Variants in COL19A1 observed in about 807,000 individuals in gnomAD.
COL19A1 encodes the protein collagen alpha-1(XIX) chain.
A neutral mutation model predicts 190.2 loss-of-function variants in COL19A1; 159 were observed. The observed-to-expected ratio is 0.84, with a 90% CI of 0.73 to 0.95. COL19A1 has a LOEUF of 0.95. Ranked by LOEUF, COL19A1 falls within the 40% of genes least tolerant of loss-of-function variation. The pLI is 0.00. For missense variants in COL19A1, 1,418 were observed against 1,431.9 expected (o/e 0.99, Z 0.16); for synonymous variants, 509 against 458.9 (o/e 1.11, Z -1.39).
chr6:70,128,196 T>C (rs1298638235), intron 17 of COL19A1, among the ~76,000 whole-genome samples: 1 of 152,194 alleles, frequency 6.6e-6, no homozygotes, highest in Non-Finnish European at 1.5e-5. Context: ...ATTAGATATA[T>C]GGGTCTAAAA....
At chr6:70,004,005 G>A (rs577921805) in intron 11 of COL19A1, among the ~76,000 whole-genome samples, 1 of 152,292 alleles carries the variant, frequency 6.6e-6, no homozygotes, top group South Asian at 2.1e-4. Context: ...TGCAGTGGCT[G>A]GTACCAGATT....
chr6:70,059,617 A>C (rs1326317519), intron 14 of COL19A1: 1 of 267,112 alleles, frequency 3.7e-6, no homozygotes, highest in Non-Finnish European at 7.6e-6. Context: ...GCTGGCTTGG[A>C]CTATTTTTTG....
intron 26 of COL19A1, 41 bp from the exon 27 acceptor site, chr6:70,146,764 ATGTATGT>A: frequency 6.3e-7 from 1 of 1,591,372 alleles, no homozygotes; most frequent in Non-Finnish European, 8.5e-7. Flanking sequence ...CAGCAGAAAA[ATGTATGT>A]CTCTTGAGCC....
chr6:70,063,983 T>C (rs972994937), intron 14 of COL19A1, among the ~76,000 whole-genome samples: 1 of 152,038 alleles, frequency 6.6e-6, no homozygotes, highest in Non-Finnish European at 1.5e-5. Context: ...AGGCAATAAT[T>C]AATAGCTTAC....
At chr6:70,130,788 A>C (rs1785473543) in intron 18 of COL19A1, among the ~76,000 whole-genome samples, 1 of 152,250 alleles carries the variant, frequency 6.6e-6, no homozygotes, top group Non-Finnish European at 1.5e-5. Context: ...AAGATAAATG[A>C]AATCAGGACA....
At chr6:69,904,723 C>G (rs1423264459) in intron 4 of COL19A1, among the ~76,000 whole-genome samples, 1 of 152,182 alleles carries the variant, frequency 6.6e-6, no homozygotes, top group Non-Finnish European at 1.5e-5. Context: ...AGGACAGGCT[C>G]AAGGTCAAAC....
At chr6:70,204,956 G>A (rs1260275227) in intron 49 of COL19A1, among the ~76,000 whole-genome samples, 1 of 151,986 alleles carries the variant, frequency 6.6e-6, no homozygotes, top group Non-Finnish European at 1.5e-5. Context: ...TTTTTTTCCT[G>A]CTGTTCACAT....
chr6:70,211,825 G>A lies in COL19A1; in HGVS notation c.*4551G>A, dbSNP rs1326324130. ...AAGTGAACACAGAGAAAACTTATTC[G>A]GACAAGTAGACCCAGCACAGCAAAA... On this transcript the variant is annotated 3_prime_UTR_variant, in exon 51 of 51. Transcript: ENST00000620364. Among the ~76,000 whole-genome samples, 5 of 151,688 alleles carry A rather than the reference G, an allele frequency of 3.3e-5. No individual in the cohort carries two copies. Among genetic ancestry groups the A allele is most frequent in the Non-Finnish European group, 5.9e-5 (4 of 67,916 alleles).
chr6:70,057,893 T>TC (rs1780597367), intron 14 of COL19A1, among the ~76,000 whole-genome samples: 1 of 152,066 alleles, frequency 6.6e-6, no homozygotes, highest in South Asian at 2.1e-4. Context: ...TAGCAGTCAT[T>TC]CATCCATTCG....
intron 11 of COL19A1, among the ~76,000 whole-genome samples, chr6:69,971,277 C>A (rs1775407155): frequency 6.6e-6 from 1 of 151,882 alleles, no homozygotes; most frequent in Admixed American, 6.6e-5. Context: ...GTGAGCATTC[C>A]CTTGTTGTTA....
At chr6:70,193,777 A>G (rs1021622753) in intron 48 of COL19A1, among the ~76,000 whole-genome samples, 4 of 152,212 alleles carry the variant, frequency 2.6e-5, no homozygotes, top group South Asian at 2.1e-4. Flanking sequence ...GTTATTTAGC[A>G]TTTAAGTTAA....
At chr6:70,186,815 G>A (rs1766547489) in intron 46 of COL19A1, among the ~76,000 whole-genome samples, 1 of 151,880 alleles carries the variant, frequency 6.6e-6, no homozygotes, top group African/African-American at 2.4e-5. Flanking sequence ...TCACATTTAG[G>A]CACATCTAAT....
At chr6:70,085,984 G>A (rs1399509895) in intron 15 of COL19A1, among the ~76,000 whole-genome samples, 2 of 151,994 alleles carry the variant, frequency 1.3e-5, no homozygotes, top group African/African-American at 4.8e-5. Context: ...GATATTTGCG[G>A]GATAAGGTTT....
chr6:70,132,834 G>A (rs1183554192), intron 18 of COL19A1, among the ~76,000 whole-genome samples: 6 of 152,140 alleles, frequency 3.9e-5, no homozygotes, highest in Admixed American at 3.9e-4. Flanking sequence ...TTAACAGCTA[G>A]GTCACCTTGG....
At chr6:69,874,784 G>T (rs140208786) in intron 1 of COL19A1, among the ~76,000 whole-genome samples, 1 of 152,112 alleles carries the variant, frequency 6.6e-6, no homozygotes, top group Non-Finnish European at 1.5e-5. Flanking sequence ...TGTGCAAAGA[G>T]AAATAATATT....
intron 4 of COL19A1, among the ~76,000 whole-genome samples, chr6:69,903,184 C>T (rs568894165): frequency 6.6e-6 from 1 of 152,310 alleles, no homozygotes; most frequent in African/African-American, 2.4e-5. Flanking sequence ...ACTACTTTAT[C>T]TACACCTGGT....
chr6:69,931,088 CTG>C (rs1772731877), intron 6 of COL19A1, among the ~76,000 whole-genome samples: 1 of 152,140 alleles, frequency 6.6e-6, no homozygotes, highest in African/African-American at 2.4e-5. Context: ...TTCATCATCT[CTG>C]TACAAGCTCT....
At position 70,010,726 on chromosome 6, in the gene COL19A1, C is replaced by G. The variant is rs1231179522; in HGVS notation, c.1027-12901C>G. 1.5e-5 allele frequency among the ~76,000 whole-genome samples: 2 copies of G among 134,622 alleles called. 1 individual carries two copies. The highest frequency in any genetic ancestry group is 3.1e-5 in the Non-Finnish European group (2 of 65,336). The allele number at this position is 134,622 out of a possible 152,430, so 88.3% of individuals were successfully genotyped here. ...AGGGTCCTACACCCACGGAATCTCGCTGATTGCTAGCACAGCAGTCTGAGA... is the reference window on the plus strand; with the variant it reads ...AGGGTCCTACACCCACGGAATCTCGGTGATTGCTAGCACAGCAGTCTGAGA... On this transcript the variant is annotated intron_variant, in intron 11 of 50. Coordinates refer to ENST00000620364, the MANE Select transcript of COL19A1 (RefSeq NM_001858.6).
chr6:70,034,676 T>A (rs185890308), intron 13 of COL19A1, among the ~76,000 whole-genome samples: 1 of 152,292 alleles, frequency 6.6e-6, no homozygotes, highest in Admixed American at 6.5e-5. Flanking sequence ...TGTATCTCAG[T>A]CTTAATTTAA....
Sources: allele counts gnomAD v4.1 joint callset (sites outside exome capture counted in the v4.1 genomes callset), GRCh38; gene constraint gnomAD v4.1.1; transcripts MANE v1.5; gene names NCBI Gene and HGNC (gene_info 2026-07-23, HGNC 2026-07-21).